The following UNC5B variants were observed in gnomAD, a reference collection of about 807,000 sequenced individuals.
UNC5B encodes the protein netrin receptor UNC5B.
In UNC5B, 56 loss-of-function variants were observed where a neutral mutation model predicts 103.7. The ratio of observed to expected loss-of-function variants is 0.54; its 90% CI spans 0.44 to 0.67. The LOEUF (loss-of-function observed/expected upper bound fraction) is 0.67. Ranked by LOEUF, UNC5B falls within the 30% of genes least tolerant of loss-of-function variation. The pLI is 0.00. For missense variants in UNC5B, 1,194 were observed against 1,284.5 expected, an observed-to-expected ratio of 0.93 and a Z score of 1.08; for synonymous variants, 577 against 542.0, an observed-to-expected ratio of 1.06 and a Z score of -0.90.
chr10:71,266,564 C>T (rs1460367123), intron 1 of UNC5B, among the ~76,000 whole-genome samples: 1 of 152,192 alleles, frequency 6.6e-6, no homozygotes, highest in Non-Finnish European at 1.5e-5. Context: ...CCGCCCCACA[C>T]GAGTCTGTTT....
chr10:71,271,992 C>T (rs965136365), intron 1 of UNC5B, among the ~76,000 whole-genome samples: 1 of 152,148 alleles, frequency 6.6e-6, no homozygotes, highest in South Asian at 2.1e-4. Context: ...CCTGCCTGAA[C>T]CCCACAGCCG....
chr10:71,236,289 T>C (rs1183939132), intron 1 of UNC5B, among the ~76,000 whole-genome samples: 1 of 152,190 alleles, frequency 6.6e-6, no homozygotes, highest in Non-Finnish European at 1.5e-5. Context: ...TCTGTGAGAA[T>C]GTGCTTGTGT....
intron 1 of UNC5B, among the ~76,000 whole-genome samples, chr10:71,221,484 G>C (rs10999733): frequency 0.11 from 17,013 of 152,270 alleles, 1,067 homozygotes; most frequent in Non-Finnish European, 0.13. Context: ...CTGTCTCCAT[G>C]TAGGGTATCA....
chr10:71,257,152 A>C (rs2132276901), intron 1 of UNC5B, among the ~76,000 whole-genome samples: 1 of 152,278 alleles, frequency 6.6e-6, no homozygotes, highest in Admixed American at 6.5e-5. Flanking sequence ...GTGAGCCAGC[A>C]GGTGCTTCCT....
At position 71,292,672 on chromosome 10, in the gene UNC5B, T is replaced by C; in HGVS notation, c.1772+118T>C. On this transcript the variant is annotated intron_variant, in intron 11 of 16. Transcript: ENST00000335350. Reference sequence around the variant, plus strand: ...CCAAACAGTCCTCCAAGGAAAGTATTAATCTTACTGTGTCCATATTGAAAA... The same window carrying C: ...CCAAACAGTCCTCCAAGGAAAGTATCAATCTTACTGTGTCCATATTGAAAA... The C allele has an allele frequency of 4.7e-6, 4 of 854,192 alleles. No individual in the cohort carries two copies. In the South Asian group the frequency reaches 6.9e-5, roughly 15 times the overall value. The allele number at this position is 854,192 out of a possible 1,614,324, so 52.9% of individuals were successfully genotyped here.
Position 71,288,510 on chromosome 10 carries a change from T to A in UNC5B, c.902-58T>A. On this transcript the variant is annotated intron_variant, in intron 6 of 16. Coordinates refer to ENST00000335350, the MANE Select transcript of UNC5B (RefSeq NM_170744.5). ...GGCACATTGCTCTGTTCTGCACACA[T>A]AACTATGTGTGCACATGTCTCTGCG... 5.7e-6 allele frequency: 9 copies of A among 1,575,688 alleles called. No individual in the cohort carries two copies. In the South Asian group the frequency reaches 1.0e-4, roughly 18 times the overall value.
chr10:71,277,077 T>C (rs1292066913), intron 1 of UNC5B, among the ~76,000 whole-genome samples: 1 of 152,196 alleles, frequency 6.6e-6, no homozygotes, highest in Non-Finnish European at 1.5e-5. Context: ...CACTAATGGA[T>C]GTCTAATGTT....
At position 71,292,542 on chromosome 10, in the gene UNC5B, C is replaced by G; in HGVS notation, c.1760C>G (p.Ala587Gly). The G allele has an allele frequency of 6.2e-7, 1 of 1,603,128 alleles. No individual in the cohort carries two copies. Among genetic ancestry groups the G allele is most frequent in the Non-Finnish European group, 8.5e-7 (1 of 1,174,950 alleles). ...GAGATGTATCTACTCATCAACAAGG[C>G]AGAAAGTACCCTGTGAGTAGAGCCC... ...FYEMYLLINK[A>G]ESTLPLSEGT... Residue 587 changes from alanine to glycine, a missense_variant, in exon 11 of 17, where the codon GCA (alanine) becomes GGA (glycine). Physicochemically the swap from Ala to Gly is moderately conservative, Grantham distance 60. Transcript: ENST00000335350.
intron 14 of UNC5B, 151 bp downstream of exon 14, chr10:71,296,111 C>G: frequency 8.2e-7 from 1 of 1,215,058 alleles, no homozygotes; most frequent in South Asian, 1.5e-5. Context: ...ACCCCAGTCT[C>G]TAGGCTTTCA....
At chr10:71,233,322 A>C (rs972043648) in intron 1 of UNC5B, among the ~76,000 whole-genome samples, 11 of 152,214 alleles carry the variant, frequency 7.2e-5, no homozygotes, top group East Asian at 3.9e-4. Flanking sequence ...TGGCCCCATC[A>C]CGGGGTCCAC....
At chr10:71,292,931 A>C (rs1589201528) in intron 11 of UNC5B, among the ~76,000 whole-genome samples, 2 of 152,242 alleles carry the variant, frequency 1.3e-5, no homozygotes, top group East Asian at 3.8e-4. Flanking sequence ...TCTAATTTGC[A>C]GAGAAAACTA....
chr10:71,231,921 G>A (rs1332237974), intron 1 of UNC5B, among the ~76,000 whole-genome samples: 1 of 152,194 alleles, frequency 6.6e-6, no homozygotes, highest in African/African-American at 2.4e-5. Context: ...TGGTCCTCTT[G>A]TGTAGCTGAG....
chr10:71,270,759 C>G (rs1056011029), intron 1 of UNC5B, among the ~76,000 whole-genome samples: 1 of 152,166 alleles, frequency 6.6e-6, no homozygotes, highest in Non-Finnish European at 1.5e-5. Flanking sequence ...GGGACCTGAA[C>G]AACTGGGTGC....
chr10:71,263,851 G>C (rs1482404231), intron 1 of UNC5B, among the ~76,000 whole-genome samples: 2 of 152,108 alleles, frequency 1.3e-5, no homozygotes, highest in Admixed American at 1.3e-4. Flanking sequence ...GGTACCAGGG[G>C]ACAAACAGAC....
intron 14 of UNC5B, 94 bp from the exon 15 acceptor site, chr10:71,296,484 C>A: frequency 7.0e-7 from 1 of 1,438,066 alleles, no homozygotes; most frequent in Non-Finnish European, 9.4e-7. Flanking sequence ...CCTGAACTGC[C>A]CCCCAAAGCT....
At chr10:71,240,086 C>T (rs958000612) in intron 1 of UNC5B, among the ~76,000 whole-genome samples, 1 of 152,174 alleles carries the variant, frequency 6.6e-6, no homozygotes, top group Non-Finnish European at 1.5e-5. Flanking sequence ...CTACCCCACC[C>T]ACCCTCACGG....
chr10:71,248,825 G>C (rs1244827875), intron 1 of UNC5B, among the ~76,000 whole-genome samples: 1 of 150,068 alleles, frequency 6.7e-6, no homozygotes, highest in Non-Finnish European at 1.5e-5. Flanking sequence ...TGAAGCAGTG[G>C]GTACAGGCTC....
chr10:71,236,058 A>G (rs1843769265), intron 1 of UNC5B, among the ~76,000 whole-genome samples: 2 of 152,226 alleles, frequency 1.3e-5, no homozygotes, highest in Admixed American at 1.3e-4. Flanking sequence ...TGTAAACTGA[A>G]GGGGCCTTCT....
Position 71,299,759 on chromosome 10 carries a change from T to C in UNC5B, c.*482T>C, listed in dbSNP as rs1386632371. 1 of 153,112 alleles carries C rather than the reference T, an allele frequency of 6.5e-6. No homozygotes were observed. Among genetic ancestry groups the C allele is most frequent in the Non-Finnish European group, 1.5e-5 (1 of 68,732 alleles). The allele number at this position is 153,112 out of a possible 1,614,324, so 9.5% of individuals were successfully genotyped here. ...AGTACAATTCAGACAAACTGCTTTC[T>C]CCTGTCCAAAAGCAAAAAGGCAAAG... On this transcript the variant is annotated 3_prime_UTR_variant, in exon 17 of 17. Coordinates refer to ENST00000335350, the MANE Select transcript of UNC5B (RefSeq NM_170744.5).
Sources: gnomAD v4.1 joint callset for allele counts (sites outside exome capture counted in the v4.1 genomes callset) on GRCh38, gnomAD v4.1.1 for gene constraint, MANE v1.5 for transcripts, NCBI Gene and HGNC (gene_info 2026-07-23, HGNC 2026-07-21) for gene names.